The following DYNC2H1 variants were observed in gnomAD, a reference collection of about 807,000 sequenced individuals.
DYNC2H1 encodes the protein cytoplasmic dynein 2 heavy chain 1.
Under a neutral mutation model 570.0 loss-of-function variants are expected in DYNC2H1, and 410 were observed. The ratio of observed to expected loss-of-function variants is 0.72; its 90% CI spans 0.66 to 0.78. The LOEUF (loss-of-function observed/expected upper bound fraction) is 0.78, where lower values mean the gene tolerates loss of function less well. Ranked by LOEUF, DYNC2H1 falls within the 30% of genes least tolerant of loss-of-function variation. The probability of loss-of-function intolerance (pLI) is 0.00; values close to 1 mark genes in which losing one functional copy is unlikely to be tolerated. For missense variants in DYNC2H1, 4,865 were observed against 5,046.4 expected, an observed-to-expected ratio of 0.96 and a Z score of 1.09; for synonymous variants, 1,688 against 1,677.6, an observed-to-expected ratio of 1.01 and a Z score of -0.15.
chr11:103,466,174 T>G (rs1945189063), intron 87 of DYNC2H1, among the ~76,000 whole-genome samples: 1 of 152,144 alleles, frequency 6.6e-6, no homozygotes, highest in Admixed American at 6.6e-5. Context: ...GTGGAGTTGG[T>G]TACAAATTAG....
chr11:103,279,156 C>T (rs1428747308), intron 70 of DYNC2H1, among the ~76,000 whole-genome samples: 3 of 152,166 alleles, frequency 2.0e-5, no homozygotes, highest in Non-Finnish European at 2.9e-5. Context: ...TATATCTTAT[C>T]CATTTCCATA....
chr11:103,320,233 G>T (rs11225714), intron 80 of DYNC2H1, among the ~76,000 whole-genome samples: 1 of 151,826 alleles, frequency 6.6e-6, no homozygotes, highest in Admixed American at 6.6e-5. Context: ...GTGAAATCCC[G>T]TCTCTACTAA....
chr11:103,125,108 C>T lies in DYNC2H1; in HGVS notation c.1670C>T (p.Ala557Val), dbSNP rs746900723. Residue 557 changes from alanine (A) to valine (V), a missense_variant, in exon 12 of 89, where the codon GCT becomes GTT. Ala to Val is a moderately conservative substitution (Grantham distance 64). Around this residue, in one of 5 missense-constraint regions of DYNC2H1, gnomAD observed 1,936 missense variants for 1,962.1 expected, o/e 0.99. Coordinates refer to ENST00000375735, the MANE Select transcript of DYNC2H1 (RefSeq NM_001377.3). The stretch of plus-strand genomic sequence containing the variant: ...TTTATTTTGTTTTATAGTATTGAGG[C>T]TAGTAGTCGAATTATGGAATTGGAT... The part of the protein sequence containing the change: ...SDSRSGLCIE[A>V]SSRIMELDSN... 53 of 1,610,716 alleles carry T rather than the reference C, an allele frequency of 3.3e-5. No homozygotes were observed. The highest frequency in any genetic ancestry group is 4.4e-5 in the Non-Finnish European group (52 of 1,177,672).
Position 103,154,516 on chromosome 11 carries a change from A to T in DYNC2H1, c.3368A>T (p.Asp1123Val). 1 of 1,577,858 alleles carries T rather than the reference A, an allele frequency of 6.3e-7. No homozygotes were observed. Among genetic ancestry groups the T allele is most frequent in the Non-Finnish European group, 8.6e-7 (1 of 1,161,438 alleles). ...TCCCTGGCAAGTAGTATCTCTAAAG[A>T]TATCGAGAGCTGTGCCCAAATTTGG... ...NFSLASSISK[D>V]IESCAQIWAF... Residue 1123 changes from aspartate (D) to valine (V), a missense_variant, in exon 23 of 89, where the codon GAT (aspartate) becomes GTT (valine). Physicochemically the swap from Asp to Val is radical, Grantham distance 152. Coordinates refer to ENST00000375735, the MANE Select transcript of DYNC2H1 (RefSeq NM_001377.3).
At chr11:103,297,528 G>A (rs1866884937) in intron 75 of DYNC2H1, among the ~76,000 whole-genome samples, 1 of 152,004 alleles carries the variant, frequency 6.6e-6, no homozygotes, top group Admixed American at 6.6e-5. Context: ...ATAACTTATT[G>A]CTCTTAGGCT....
intron 83 of DYNC2H1, among the ~76,000 whole-genome samples, chr11:103,384,509 T>C (rs1266076745): frequency 6.6e-6 from 1 of 152,124 alleles, no homozygotes; most frequent in Non-Finnish European, 1.5e-5. Flanking sequence ...TTTTATACTT[T>C]TTTTTACTCA....
chr11:103,120,790 C>G lies in DYNC2H1; in HGVS notation c.1236C>G (p.Asp412Glu). The G allele has an allele frequency of 6.6e-7, 1 of 1,523,576 alleles. No homozygotes were observed. The highest frequency in any genetic ancestry group is 8.8e-7 in the Non-Finnish European group (1 of 1,133,672). The allele number at this position is 1,523,576 out of a possible 1,614,324, so 94.4% of individuals were successfully genotyped here. Residue 412 changes from aspartate to glutamate, a missense_variant, in exon 8 of 89, where the codon GAC becomes GAG. Physicochemically the swap from Asp to Glu is conservative, Grantham distance 45 (BLOSUM62 2). Around this residue, in one of 5 missense-constraint regions of DYNC2H1, gnomAD observed 1,936 missense variants for 1,962.1 expected, o/e 0.99. Coordinates refer to ENST00000375735, the MANE Select transcript of DYNC2H1 (RefSeq NM_001377.3). ...AAAATTATATTTCAGAAATTCAAGA[C>G]AGTCCACAGCAGGTAAAACATTGAG... ...KLKNYISEIQ[D>E]SPQQLLQAFL...
intron 65 of DYNC2H1, among the ~76,000 whole-genome samples, chr11:103,246,168 G>C (rs2135233546): frequency 6.6e-6 from 1 of 152,138 alleles, no homozygotes; most frequent in South Asian, 2.1e-4. Context: ...GAAGGGCAGG[G>C]AATATCTAAG....
At chr11:103,311,444 A>G (rs1050730325) in intron 78 of DYNC2H1, among the ~76,000 whole-genome samples, 3 of 152,198 alleles carry the variant, frequency 2.0e-5, no homozygotes, top group Non-Finnish European at 4.4e-5. Flanking sequence ...GTTAGTTGAC[A>G]TTCTATGTAA....
At chr11:103,276,305 G>T (rs1865903809) in intron 70 of DYNC2H1, among the ~76,000 whole-genome samples, 1 of 151,930 alleles carries the variant, frequency 6.6e-6, no homozygotes, top group African/African-American at 2.4e-5. Context: ...TTACAGGAAG[G>T]TCTTTTCATT....
At position 103,286,272 on chromosome 11, in the gene DYNC2H1, T is replaced by G. The variant is rs777018601; in HGVS notation, c.10908T>G (p.Leu3636=). 10 of 1,613,740 alleles carry G rather than the reference T, an allele frequency of 6.2e-6. No homozygotes were observed. The Admixed American group carries it at 1.5e-4, about 24-fold the overall frequency. ...TTTTTTAGATTGCTCTCCCCAGTCT[T>G]TATCAGACCCTCTGCTTTGAAGATG... ...VATLKIALPS[L]YQTLCFEDAA... The change falls in exon 74 of 89, where the codon CTT becomes CTG. Residue 3636 remains leucine, a synonymous_variant. Coordinates refer to ENST00000375735, the MANE Select transcript of DYNC2H1 (RefSeq NM_001377.3).
chr11:103,111,442 C>A (rs777797105), intron 1 of DYNC2H1, among the ~76,000 whole-genome samples: 12 of 152,204 alleles, frequency 7.9e-5, no homozygotes, highest in Non-Finnish European at 1.5e-4. Flanking sequence ...ACAAAATTTA[C>A]AACCTAAATG....
At chr11:103,184,583 A>G (rs1861989991) in intron 40 of DYNC2H1, among the ~76,000 whole-genome samples, 1 of 151,908 alleles carries the variant, frequency 6.6e-6, no homozygotes, top group African/African-American at 2.4e-5. Flanking sequence ...ATGAACATGT[A>G]TTCTTTTTGG....
chr11:103,468,033 GATA>G (rs1336908358), intron 87 of DYNC2H1, among the ~76,000 whole-genome samples: 1 of 152,098 alleles, frequency 6.6e-6, no homozygotes, highest in Non-Finnish European at 1.5e-5. Flanking sequence ...GAAATATGAA[GATA>G]ATAATACCAA....
intron 70 of DYNC2H1, among the ~76,000 whole-genome samples, chr11:103,274,689 G>A (rs142792688): frequency 8.7e-4 from 132 of 152,194 alleles, no homozygotes; most frequent in Admixed American, 1.9e-3. Context: ...TAATTCTCAT[G>A]GTAGTTGTTT....
chr11:103,176,343 G>A lies in DYNC2H1; in HGVS notation c.5783G>A (p.Gly1928Glu), dbSNP rs1164274164. Residue 1928 changes from glycine to glutamate, a missense_variant, in exon 37 of 89, where the codon GGA becomes GAA. Physicochemically the swap from Gly to Glu is moderately conservative, Grantham distance 98. Transcript: ENST00000375735. ...GCACTGATAAAAGATGTCTTTCCGG[G>A]AATTGAATTGAAAGAAGTGGAATAT... ...FDALIKDVFP[G>E]IELKEVEYDE... 6.9e-6 allele frequency: 11 copies of A among 1,585,460 alleles called. No individual in the cohort carries two copies. The highest frequency in any genetic ancestry group is 1.2e-5 in the South Asian group (1 of 85,544).
At chr11:103,225,660 T>A (rs11225608) in intron 59 of DYNC2H1, among the ~76,000 whole-genome samples, 2,590 of 152,266 alleles carry the variant, frequency 0.017, 34 homozygotes, top group Non-Finnish European at 0.026. Context: ...TGTGGCCTTA[T>A]AGTATAGTTT....
intron 25 of DYNC2H1, among the ~76,000 whole-genome samples, chr11:103,155,733 C>T (rs1232876171): frequency 6.6e-6 from 1 of 152,084 alleles, no homozygotes; most frequent in East Asian, 1.9e-4. Context: ...AATCAGTTTG[C>T]TAATCACTTT....
intron 83 of DYNC2H1, among the ~76,000 whole-genome samples, chr11:103,380,663 C>T (rs1941606538): frequency 6.6e-6 from 1 of 152,104 alleles, no homozygotes; most frequent in South Asian, 2.1e-4. Flanking sequence ...CAGGCTCAAG[C>T]AATCTTTCCA....
Sources: allele counts gnomAD v4.1 joint callset (sites outside exome capture counted in the v4.1 genomes callset), GRCh38; gene constraint gnomAD v4.1.1; regional missense constraint gnomAD v4.1.1; transcripts MANE v1.5; gene names NCBI Gene and HGNC (gene_info 2026-07-23, HGNC 2026-07-21).